ABR: variants seen among roughly 807,000 people sequenced by gnomAD.
ABR encodes the protein ABR activator of RhoGEF and GTPase.
Under a neutral mutation model 107.2 loss-of-function variants are expected in ABR, and 35 were observed. That is an observed-to-expected ratio of 0.33 (90% confidence interval 0.25 to 0.43). ABR has a LOEUF of 0.43. Among genes scored for constraint, ABR ranks in the 20% least tolerant of loss-of-function variants. The pLI, the probability that ABR is intolerant of heterozygous loss-of-function variation, is 1.00. For missense variants in ABR, 815 were observed against 1,115.2 expected (o/e 0.73, Z 3.83); for synonymous variants, 498 against 462.0 (o/e 1.08, Z -1.00).
intron 1 of ABR, among the ~76,000 whole-genome samples, chr17:1,218,684 C>G (rs2043058475): frequency 6.6e-6 from 1 of 152,214 alleles, no homozygotes; most frequent in African/African-American, 2.4e-5. Flanking sequence ...AAAACCATCT[C>G]ATTATAGTCA....
rs1056716725 is a variant in ABR at position 1,066,948 on chromosome 17, G to C, written c.1182+129C>G. Reference sequence around the variant, plus strand: ...TCTGCTTGGAGCTACTGTAGTCGGGGTCTTTCCCTTAGTAACTACACACTC... The same window carrying C: ...TCTGCTTGGAGCTACTGTAGTCGGGCTCTTTCCCTTAGTAACTACACACTC... On this transcript the variant is annotated intron_variant, in intron 10 of 22. Coordinates refer to ENST00000302538, the MANE Select transcript of ABR (RefSeq NM_021962.5). 19 of 926,866 alleles carry C rather than the reference G, an allele frequency of 2.0e-5. 1 individual carries two copies. In the Admixed American group the frequency reaches 4.1e-4, roughly 20 times the overall value. The allele number at this position is 926,866 out of a possible 1,614,324, so 57.4% of individuals were successfully genotyped here.
chr17:1,201,564 T>C (rs1430438154), intron 1 of ABR, among the ~76,000 whole-genome samples: 1 of 152,144 alleles, frequency 6.6e-6, no homozygotes, highest in Admixed American at 6.6e-5. Context: ...GCCGAAGAGA[T>C]GACGGCAACC....
rs869034249 is a variant in ABR, at chr17:1,204,901, CTTTTT to C, written c.838+23887_838+23891del. 8.1e-4 allele frequency among the ~76,000 whole-genome samples: 26 copies of C among 32,118 alleles called. No individual in the cohort carries two copies. The South Asian group carries it at 8.5e-3, about 10-fold the overall frequency. The allele number at this position is 32,118 out of a possible 152,430, so 21.1% of individuals were successfully genotyped here. ...CTTTTTTTCTTTTCTTTTTCTTTTT[CTTTTT>C]TTTTTTTTTTTTTTTGAGACTGAGT... On this transcript the variant is annotated intron_variant, in intron 1 of 22. Coordinates refer to the ABR transcript ENST00000574139.
chr17:1,087,655 T>G (rs2036702887), intron 4 of ABR, among the ~76,000 whole-genome samples: 1 of 151,910 alleles, frequency 6.6e-6, no homozygotes, highest in Non-Finnish European at 1.5e-5. Flanking sequence ...GGCCCATCAA[T>G]GCCCACGCTA....
At chr17:1,056,973 G>A in intron 13 of ABR, 25 bp downstream of exon 13, 6 of 1,555,702 alleles carry the variant, frequency 3.9e-6, no homozygotes, top group Middle Eastern at 1.7e-4. Context: ...CTGCCGGTTG[G>A]GCCACCTCTG....
exon 1 of ABR, among the ~76,000 whole-genome samples, chr17:1,229,438 G>T (rs1012283488): frequency 6.6e-6 from 1 of 151,766 alleles, no homozygotes; most frequent in African/African-American, 2.4e-5. Flanking sequence ...CCGCCGCCCC[G>T]GGCCAGCGCG....
intron 16 of ABR, chr17:1,031,881 T>TCGCTCCCTCCCTCCCTCCCCGCGCTC: frequency 1.2e-6 from 1 of 849,174 alleles, no homozygotes; most frequent in Non-Finnish European, 1.4e-6. Context: ...CGCGCTCCCC[T>TCGCTCCCTCCCTCCCTCCCCGCGCTC]CCCTCCCTCC....
chr17:1,090,037 C>T (rs1009368607), intron 4 of ABR, among the ~76,000 whole-genome samples: 1 of 152,210 alleles, frequency 6.6e-6, no homozygotes, highest in Non-Finnish European at 1.5e-5. Context: ...GTGCTCACTA[C>T]GAGGACTGGC....
intron 16 of ABR, among the ~76,000 whole-genome samples, chr17:1,024,136 G>T (rs2071975051): frequency 6.6e-6 from 1 of 151,944 alleles, no homozygotes; most frequent in South Asian, 2.1e-4. Flanking sequence ...TGCTGCCGGG[G>T]ACGTGAGGGG....
chr17:1,184,155 T>C (rs377141447), upstream of ABR, among the ~76,000 whole-genome samples: 4 of 126,764 alleles, frequency 3.2e-5, no homozygotes, highest in East Asian at 8.9e-4. Context: ...AGACTCCCTC[T>C]CAAAAAAAAA....
chr17:1,045,585 G>A (rs549192471), intron 16 of ABR, among the ~76,000 whole-genome samples: 7 of 152,110 alleles, frequency 4.6e-5, no homozygotes, highest in Non-Finnish European at 1.0e-4. Flanking sequence ...GGGCTCCTTA[G>A]CCCCAGCTTC....
chr17:1,095,602 G>A (rs921249331), intron 3 of ABR, among the ~76,000 whole-genome samples: 29 of 152,280 alleles, frequency 1.9e-4, no homozygotes, highest in South Asian at 6.2e-4. Context: ...TCCTGCTGCA[G>A]GGACAAGGGC....
intron 2 of ABR, among the ~76,000 whole-genome samples, chr17:1,120,575 G>A (rs62067956): frequency 0.017 from 2,611 of 152,284 alleles, 32 homozygotes; most frequent in Middle Eastern, 0.041. Context: ...CACCGCACCC[G>A]GCCAATGGTG....
chr17:1,210,158 G>A lies in ABR; in HGVS notation c.838+18635C>T, dbSNP rs149254464. On this transcript the variant is annotated intron_variant, in intron 1 of 22. Coordinates refer to the ABR transcript ENST00000574139. The surrounding 1 kb of genome is among the most constrained non-coding windows in gnomAD (Gnocchi z 5.6). ...AGAAAGTAACAGAATCTAGAGAGGC[G>A]GAAGCTCAGCCCAGCTGTGTTGGTA... Among the ~76,000 whole-genome samples the A allele has an allele frequency of 5.0e-4, 76 of 152,302 alleles. 1 individual carries two copies. Among genetic ancestry groups the A allele is most frequent in the African/African-American group, 1.6e-3 (68 of 41,558 alleles).
At chr17:1,224,339 G>A (rs1004917802) in intron 1 of ABR, among the ~76,000 whole-genome samples, 13 of 152,126 alleles carry the variant, frequency 8.5e-5, no homozygotes, top group Non-Finnish European at 1.6e-4. Context: ...GCTATCGTGC[G>A]CGGACAAAAA....
rs1255656998 is a variant in ABR, at chr17:1,013,339, G to C, written c.1792-175C>G. The C allele has an allele frequency of 6.0e-5, 40 of 668,574 alleles. 1 individual carries two copies. In the South Asian group the frequency reaches 7.4e-4, roughly 12 times the overall value. 41.4% of individuals were successfully genotyped at this position (668,574 alleles called of 1,614,324 possible). On this transcript the variant is annotated intron_variant, in intron 16 of 22. Coordinates refer to ENST00000302538, the MANE Select transcript of ABR (RefSeq NM_021962.5). ...CCCTTTGGGGGGACCCTAGCCCCCAGGCCCCTGTGGCCGCCGTGGGGGAGG... is the reference window on the plus strand; with the variant it reads ...CCCTTTGGGGGGACCCTAGCCCCCACGCCCCTGTGGCCGCCGTGGGGGAGG...
In ABR at chr17:1,011,794, C is replaced by G; in HGVS notation, c.2101+52G>C. 6.6e-7 allele frequency: 1 copy of G among 1,524,686 alleles called. No individual in the cohort carries two copies. The highest frequency in any genetic ancestry group is 8.8e-7 in the Non-Finnish European group (1 of 1,131,222). The allele number at this position is 1,524,686 out of a possible 1,614,324, so 94.4% of individuals were successfully genotyped here. On this transcript the variant is annotated intron_variant, in intron 19 of 22. Coordinates refer to ENST00000302538, the MANE Select transcript of ABR (RefSeq NM_021962.5). This position sits in a 1 kb window ranked among gnomAD's most constrained non-coding sequence, Gnocchi z 4.8. ...CCCCGAGCTCTCCTGTCCATCCCAC[C>G]AGCCTGCTCAGACACAGCCACACCT...
At chr17:1,106,291 G>A (rs1023570022) in intron 2 of ABR, among the ~76,000 whole-genome samples, 3 of 152,150 alleles carry the variant, frequency 2.0e-5, no homozygotes, top group Admixed American at 1.3e-4. Flanking sequence ...TGCTGCTTAA[G>A]GTAAGTACCC....
chr17:1,051,931 C>T lies in ABR; in HGVS notation c.1562-1297G>A, dbSNP rs181075416. Among the ~76,000 whole-genome samples the T allele has an allele frequency of 3.2e-3, 494 of 152,122 alleles. No individual in the cohort carries two copies. The highest frequency in any genetic ancestry group is 7.7e-3 in the South Asian group (37 of 4,816). Reference sequence around the variant, plus strand: ...TCTACTAAAAATACAAAAGTGAGCCCGGCGTGGTGGCACATGCCTGTAGTC... The same window carrying T: ...TCTACTAAAAATACAAAAGTGAGCCTGGCGTGGTGGCACATGCCTGTAGTC... On this transcript the variant is annotated intron_variant, in intron 14 of 22. Transcript: ENST00000302538. The surrounding 1 kb of genome is among the most constrained non-coding windows in gnomAD (Gnocchi z 4.3).
Sources: gnomAD v4.1 joint callset for allele counts (sites outside exome capture counted in the v4.1 genomes callset) on GRCh38, gnomAD v4.1.1 for gene constraint, Gnocchi (gnomAD v3.1) non-coding constraint, MANE v1.5 for transcripts, NCBI Gene and HGNC (gene_info 2026-07-23, HGNC 2026-07-21) for gene names.